The following COL1A2 variants were observed in gnomAD, a reference collection of about 807,000 sequenced individuals.
COL1A2 encodes collagen type I alpha 2 chain, also known as collagen alpha-2(I) chain.
In COL1A2, 49 loss-of-function variants were observed where a neutral mutation model predicts 174.3. That is an observed-to-expected ratio of 0.28 (90% confidence interval 0.22 to 0.36). The LOEUF is 0.36. Ranked by LOEUF, COL1A2 falls within the 10% of genes least tolerant of loss-of-function variation. The pLI is 1.00. For missense variants in COL1A2, 1,438 were observed against 1,822.7 expected (o/e 0.79, Z 3.84); for synonymous variants, 655 against 606.6 (o/e 1.08, Z -1.17).
intron 2 of COL1A2, 47 bp from the exon 3 acceptor site, chr7:94,398,335 A>G (rs1791622176): frequency 1.4e-6 from 1 of 693,898 alleles, no homozygotes; most frequent in Non-Finnish European, 2.2e-6. Flanking sequence ...TTTTAAATAT[A>G]TATATACAAT....
intron 37 of COL1A2, 128 bp from the exon 38 acceptor site, chr7:94,420,881 G>A (rs1182822459): frequency 4.0e-6 from 4 of 1,005,210 alleles, no homozygotes; most frequent in Admixed American, 1.9e-5. Context: ...AGAACATTCT[G>A]ACACAGATAG....
At position 94,429,098 on chromosome 7, in the gene COL1A2, C is replaced by CTT. The variant is rs11374490; in HGVS notation, c.3712-82_3712-81dup. Reference sequence around the variant, plus strand: ...GATCTGAGTCTACTCTTCCTGAGATCTTTTTTTTTCTTTTTTTTTTTTTTC... The same window carrying CTT: ...GATCTGAGTCTACTCTTCCTGAGATCTTTTTTTTTTTCTTTTTTTTTTTTTTC... On this transcript the variant is annotated intron_variant, in intron 50 of 51. Transcript: ENST00000297268. The CTT allele has an allele frequency of 1.4e-3, 1,254 of 924,352 alleles. 2 individuals carry two copies. The highest frequency in any genetic ancestry group is 2.7e-3 in the East Asian group (95 of 35,200). 57.3% of individuals were successfully genotyped at this position (924,352 alleles called of 1,614,324 possible). A position where few individuals can be genotyped will look rare whatever the true frequency, so the allele number is the denominator to read the frequency against.
At chr7:94,407,114 T>C (rs1791818898) in intron 12 of COL1A2, among the ~76,000 whole-genome samples, 1 of 152,114 alleles carries the variant, frequency 6.6e-6, no homozygotes, top group Admixed American at 6.5e-5. Context: ...AAACTGAGGC[T>C]TCGTGAGAGC....
chr7:94,395,078 C>A lies in COL1A2; in HGVS notation c.47C>A (p.Thr16Asn), dbSNP rs752079706. Residue 16 changes from threonine to asparagine, a missense_variant, in exon 1 of 52, where the codon ACC becomes AAC. Around this residue, in one of 3 missense-constraint regions of COL1A2, gnomAD observed 281 missense variants for 310.9 expected, o/e 0.90. Transcript: ENST00000297268. ...DTRTLLLLAV[T>N]LCLATCQSLQ... ...CGGACTTTGTTGCTGCTTGCAGTAA[C>A]CTTATGCCTAGCAACATGCCAATGT... 1.9e-6 allele frequency: 3 copies of A among 1,613,890 alleles called. No individual in the cohort carries two copies. Among genetic ancestry groups the A allele is most frequent in the African/African-American group, 2.7e-5 (2 of 74,884 alleles).
In COL1A2 at chr7:94,413,758, C is replaced by T; in HGVS notation, c.1611+15C>T. On this transcript the variant is annotated intron_variant, in intron 27 of 51. Transcript: ENST00000297268. ...CTGGACCACAGGTGAGTATTTCTCC[C>T]ACTCTTGTGCTCTTCTGCACTAGAA... 6.2e-7 allele frequency: 1 copy of T among 1,614,020 alleles called. No homozygotes were observed. The highest frequency in any genetic ancestry group is 2.2e-5 in the East Asian group (1 of 44,882).
At chr7:94,410,326 A>G (rs183771818) in intron 20 of COL1A2, 31 bp downstream of exon 20, 1 of 1,613,246 alleles carries the variant, frequency 6.2e-7, no homozygotes, top group East Asian at 2.2e-5. Flanking sequence ...ACTTTTATAA[A>G]GTTAATTGTT....
intron 38 of COL1A2, 138 bp from the exon 39 acceptor site, chr7:94,421,761 A>T: frequency 9.0e-6 from 6 of 668,796 alleles, no homozygotes; most frequent in Non-Finnish European, 1.3e-5. Context: ...ATAATGCCCT[A>T]TATGAAGCTG....
Position 94,416,440 on chromosome 7 carries a change from C to T in COL1A2, c.1800C>T (p.Ala600=), listed in dbSNP as rs767521406. 6.9e-6 allele frequency: 11 copies of T among 1,586,618 alleles called. No individual in the cohort carries two copies. The highest frequency in any genetic ancestry group is 1.7e-4 in the Middle Eastern group (1 of 6,022). The change falls in exon 31 of 52, where the codon GCC becomes GCT. Residue 600 remains alanine, a synonymous_variant. Coordinates refer to ENST00000297268, the MANE Select transcript of COL1A2 (RefSeq NM_000089.4). Reference sequence around the variant, plus strand: ...GTCCCCCAGGTGAGAGTGGTGCTGCCGGTCCTACTGGTCCTATTGGAAGCC... The same window carrying T: ...GTCCCCCAGGTGAGAGTGGTGCTGCTGGTCCTACTGGTCCTATTGGAAGCC... ...ERGPPGESGA[A]GPTGPIGSRG... is the part of the protein sequence containing the mutation.
At chr7:94,422,003 G>A (rs370361902) in intron 39 of COL1A2, 51 bp downstream of exon 39, 165 of 1,520,796 alleles carry the variant, frequency 1.1e-4, no homozygotes, top group Non-Finnish European at 1.4e-4. Context: ...CAAAAGGCCT[G>A]GCTTCTGATA....
intron 3 of COL1A2, 21 bp from the exon 4 acceptor site, chr7:94,399,028 C>T: frequency 6.2e-7 from 1 of 1,611,828 alleles, no homozygotes; most frequent in Non-Finnish European, 8.5e-7. Context: ...TATTATTGTC[C>T]TGTTTGTATC....
chr7:94,417,577 C>A, intron 31 of COL1A2, 147 bp from the exon 32 acceptor site: 1 of 700,450 alleles, frequency 1.4e-6, no homozygotes, highest in Non-Finnish European at 2.6e-6. Flanking sequence ...TATATTCTCC[C>A]TCCTTTCAAT....
chr7:94,408,900 A>G (rs1791860022), intron 16 of COL1A2, 77 bp downstream of exon 16: 1 of 1,321,764 alleles, frequency 7.6e-7, no homozygotes, highest in African/African-American at 1.4e-5. Context: ...CTGTGTTTGC[A>G]GATAAAGAGA....
intron 31 of COL1A2, 107 bp downstream of exon 31, chr7:94,416,610 A>G (rs1183805074): frequency 1.1e-6 from 1 of 902,680 alleles, no homozygotes; most frequent in African/African-American, 1.7e-5. Flanking sequence ...ATTTATTTCC[A>G]GTTCTGTGAT....
chr7:94,405,116 C>A, intron 9 of COL1A2, 83 bp from the exon 10 acceptor site: 1 of 1,405,048 alleles, frequency 7.1e-7, no homozygotes, highest in Non-Finnish European at 1.0e-6. Context: ...TAACTTTCTC[C>A]CCTTTTGTAA....
intron 16 of COL1A2, 67 bp downstream of exon 16, chr7:94,408,890 CTG>C: frequency 7.1e-7 from 1 of 1,416,548 alleles, no homozygotes; most frequent in African/African-American, 1.4e-5. Context: ...AAGATTGGAA[CTG>C]TGTTTGCAGA....
chr7:94,410,146 T>C (rs1791889743), intron 19 of COL1A2, 96 bp from the exon 20 acceptor site: 6 of 1,286,140 alleles, frequency 4.7e-6, no homozygotes, highest in South Asian at 3.7e-5. Flanking sequence ...CTTGAGCTTC[T>C]CTTTACCTTG....
In COL1A2 at chr7:94,430,560, G is replaced by T; in HGVS notation, c.*167G>T. ...AAAGAAGGATTGATCAGAGCATTGT[G>T]CAATACAGTTTCATTAACTCCTTCC... On this transcript the variant is annotated 3_prime_UTR_variant, in exon 52 of 52. Coordinates refer to ENST00000297268, the MANE Select transcript of COL1A2 (RefSeq NM_000089.4). The T allele has an allele frequency of 1.3e-6, 1 of 743,440 alleles. No individual in the cohort carries two copies. Among genetic ancestry groups the T allele is most frequent in the Admixed American group, 2.9e-5 (1 of 35,050 alleles). The allele number at this position is 743,440 out of a possible 1,614,324, so 46.1% of individuals were successfully genotyped here.
Position 94,425,757 on chromosome 7 carries a change from G to A in COL1A2, c.2843G>A (p.Arg948His), listed in dbSNP as rs201168934. The A allele has an allele frequency of 4.1e-5, 66 of 1,613,674 alleles. No individual in the cohort carries two copies. The highest frequency in any genetic ancestry group is 2.0e-4 in the Admixed American group (12 of 59,976). The change falls in exon 44 of 52, where the codon CGC (arginine) becomes CAC (histidine). Residue 948 changes from arginine (R) to histidine (H), a missense_variant. Around this residue, in one of 3 missense-constraint regions of COL1A2, gnomAD observed 867 missense variants for 1,213.7 expected, o/e 0.71. Coordinates refer to ENST00000297268, the MANE Select transcript of COL1A2 (RefSeq NM_000089.4). ...TCATTTTGCCTTTGGTAGGGAGAGC[G>A]CGGTTACCCTGGCAATATTGGTCCC... ...RDGQPGHKGE[R>H]GYPGNIGPVG... is the part of the protein sequence containing the mutation.
intron 46 of COL1A2, 28 bp downstream of exon 46, chr7:94,426,558 T>C: frequency 6.5e-7 from 1 of 1,542,888 alleles, no homozygotes; most frequent in Non-Finnish European, 8.9e-7. Flanking sequence ...ATCTCGCACA[T>C]AAACTGATCC....
Sources: gnomAD v4.1 joint callset for allele counts (sites outside exome capture counted in the v4.1 genomes callset) on GRCh38, gnomAD v4.1.1 for gene constraint, gnomAD v4.1.1 regional missense constraint, MANE v1.5 for transcripts, NCBI Gene and HGNC (gene_info 2026-07-23, HGNC 2026-07-21) for gene names.